KCNQ3: variants seen among roughly 807,000 people sequenced by gnomAD.
KCNQ3 encodes the protein potassium voltage-gated channel subfamily KQT member 3.
KCNQ3 carries 30 observed loss-of-function variants against 92.5 expected under a neutral mutation model. The ratio of observed to expected loss-of-function variants is 0.32; its 90% CI spans 0.24 to 0.44. KCNQ3 has a LOEUF of 0.44. Ranked by LOEUF, KCNQ3 falls within the 20% of genes least tolerant of loss-of-function variation. KCNQ3 has a pLI of 1.00. For missense variants in KCNQ3, 913 were observed against 1,140.3 expected (o/e 0.80, Z 2.87); for synonymous variants, 450 against 468.8 (o/e 0.96, Z 0.52).
chr8:132,220,166 C>A (rs1302233020), intron 1 of KCNQ3, among the ~76,000 whole-genome samples: 2 of 152,128 alleles, frequency 1.3e-5, no homozygotes, highest in Admixed American at 6.5e-5. Context: ...CTACCCCCTG[C>A]AATTCCAAGA....
At chr8:132,433,568 C>T (rs1235994702) in intron 1 of KCNQ3, among the ~76,000 whole-genome samples, 3 of 152,340 alleles carry the variant, frequency 2.0e-5, no homozygotes, top group South Asian at 4.1e-4. Flanking sequence ...TTGATGATTG[C>T]TTTATTTTTG....
intron 1 of KCNQ3, among the ~76,000 whole-genome samples, chr8:132,378,876 T>C (rs1819674863): frequency 6.6e-6 from 1 of 152,246 alleles, no homozygotes. Flanking sequence ...CTTTTTCCTG[T>C]TTCCAAACAT....
At chr8:132,359,164 TTGACAGTTTAAC>T (rs1819096964) in intron 1 of KCNQ3, among the ~76,000 whole-genome samples, 1 of 125,222 alleles carries the variant, frequency 8.0e-6, no homozygotes, top group South Asian at 2.9e-4. Context: ...ATCACATAAC[TTGACAGTTTAAC>T]GGTAGTGGGG....
intron 1 of KCNQ3, among the ~76,000 whole-genome samples, chr8:132,205,717 AGAAACTGGT>A (rs1325345696): frequency 3.9e-5 from 6 of 152,226 alleles, no homozygotes; most frequent in Admixed American, 1.3e-4. Context: ...AGACTATAGT[AGAAACTGGT>A]GAGAAAGGAT....
intron 1 of KCNQ3, among the ~76,000 whole-genome samples, chr8:132,218,962 T>C (rs373704885): frequency 2.6e-5 from 4 of 152,198 alleles, no homozygotes; most frequent in African/African-American, 9.6e-5. Flanking sequence ...TTCTACAACA[T>C]TGACCTTTGG....
At position 132,237,058 on chromosome 8, in the gene KCNQ3, T is replaced by C. The variant is rs575882908; in HGVS notation, c.387-50877A>G. Among the ~76,000 whole-genome samples, 8 of 152,328 alleles carry C rather than the reference T, an allele frequency of 5.3e-5. No individual in the cohort carries two copies. In the South Asian group the frequency reaches 1.0e-3, roughly 20 times the overall value. On this transcript the variant is annotated intron_variant, in intron 1 of 14. Coordinates refer to ENST00000388996, the MANE Select transcript of KCNQ3 (RefSeq NM_004519.4). ...AGCTAACACCTTGATTGCAGACTTG[T>C]AGGACCCTGCACAGAGAATCTAGCA...
intron 1 of KCNQ3, among the ~76,000 whole-genome samples, chr8:132,206,101 G>A (rs868461773): frequency 5.9e-5 from 9 of 152,194 alleles, no homozygotes; most frequent in Middle Eastern, 3.4e-3. Flanking sequence ...GCATTTTCTC[G>A]TCAGTCCTGC....
At chr8:132,207,889 T>A (rs62519643) in intron 1 of KCNQ3, among the ~76,000 whole-genome samples, 5,279 of 148,666 alleles carry the variant, frequency 0.036, 156 homozygotes, top group Non-Finnish European at 0.053. Context: ...TGGAAACATT[T>A]AGTGGCTTCA....
intron 8 of KCNQ3, among the ~76,000 whole-genome samples, chr8:132,170,061 C>T (rs189181668): frequency 6.8e-4 from 104 of 151,998 alleles, no homozygotes; most frequent in African/African-American, 2.5e-3. Context: ...TTAGTAGGAA[C>T]GGGATTTCAC....
rs112139687 is a variant in KCNQ3 at position 132,158,442 on chromosome 8, GTGCCTTTTCT to G, written c.1262+5016_1262+5025del. Among the ~76,000 whole-genome samples the G allele has an allele frequency of 7.7e-3, 1,167 of 152,308 alleles. 16 individuals carry two copies. Among genetic ancestry groups the G allele is most frequent in the African/African-American group, 0.027 (1,117 of 41,552 alleles). On this transcript the variant is annotated intron_variant, in intron 9 of 14. Coordinates refer to ENST00000388996, the MANE Select transcript of KCNQ3 (RefSeq NM_004519.4). ...TCACACCACAGATGACCCTGGCTCT[GTGCCTTTTCT>G]TGCCTCTATAGCCTCCTCCTGTGTC...
chr8:132,224,849 C>T (rs542084675), intron 1 of KCNQ3, among the ~76,000 whole-genome samples: 5 of 152,164 alleles, frequency 3.3e-5, no homozygotes, highest in African/African-American at 1.2e-4. Context: ...GGTTATTCAA[C>T]TAATTGGAAG....
chr8:132,324,077 C>A (rs1165495934), intron 1 of KCNQ3, among the ~76,000 whole-genome samples: 1 of 152,134 alleles, frequency 6.6e-6, no homozygotes, highest in Non-Finnish European at 1.5e-5. Flanking sequence ...TATCTTAGTT[C>A]TTCATGCTGT....
At chr8:132,405,244 G>C (rs1001341748) in intron 1 of KCNQ3, among the ~76,000 whole-genome samples, 1 of 152,156 alleles carries the variant, frequency 6.6e-6, no homozygotes, top group African/African-American at 2.4e-5. Flanking sequence ...AAGGTGACAG[G>C]TCCCACTATA....
intron 1 of KCNQ3, among the ~76,000 whole-genome samples, chr8:132,195,114 T>C (rs1827267131): frequency 6.6e-6 from 1 of 151,866 alleles, no homozygotes; most frequent in South Asian, 2.1e-4. Flanking sequence ...TCTTCTCTTT[T>C]GAGAGTTGAC....
At chr8:132,413,487 C>G (rs1242789639) in intron 1 of KCNQ3, among the ~76,000 whole-genome samples, 1 of 152,206 alleles carries the variant, frequency 6.6e-6, no homozygotes, top group African/African-American at 2.4e-5. Flanking sequence ...AATACCTACT[C>G]TATGTAGCAC....
At chr8:132,314,557 A>G (rs1299465519) in intron 1 of KCNQ3, among the ~76,000 whole-genome samples, 3 of 152,250 alleles carry the variant, frequency 2.0e-5, no homozygotes, top group African/African-American at 7.2e-5. Flanking sequence ...GTTATTAAGT[A>G]TCTTTAATAA....
intron 1 of KCNQ3, among the ~76,000 whole-genome samples, chr8:132,308,304 C>A (rs1463958924): frequency 2.0e-5 from 3 of 151,988 alleles, no homozygotes; most frequent in East Asian, 1.9e-4. Context: ...GAAGCCTGAA[C>A]AAGTGAGAAA....
chr8:132,168,887 A>T (rs1190340881), intron 8 of KCNQ3, among the ~76,000 whole-genome samples: 1 of 151,706 alleles, frequency 6.6e-6, no homozygotes, highest in Non-Finnish European at 1.5e-5. Context: ...ACTTGCTTTG[A>T]GGCAGGTTCC....
chr8:132,356,270 G>A (rs1016142680), intron 1 of KCNQ3, among the ~76,000 whole-genome samples: 3 of 152,174 alleles, frequency 2.0e-5, no homozygotes, highest in African/African-American at 7.2e-5. Flanking sequence ...TCAAAGTCAA[G>A]TTTCTACAAG....
Sources: allele counts gnomAD v4.1 joint callset (sites outside exome capture counted in the v4.1 genomes callset), GRCh38; gene constraint gnomAD v4.1.1; transcripts MANE v1.5; gene names NCBI Gene and HGNC (gene_info 2026-07-23, HGNC 2026-07-21).